The following PCDHGB6 variants were observed in gnomAD, a reference collection of about 807,000 sequenced individuals.
PCDHGB6 encodes the protein protocadherin gamma subfamily B, 6, also known as protocadherin gamma-B6.
PCDHGB6 carries 51 observed loss-of-function variants against 59.1 expected under a neutral mutation model. That is an observed-to-expected ratio of 0.86 (90% CI 0.69 to 1.09). The LOEUF (loss-of-function observed/expected upper bound fraction) is 1.09. Ranked by LOEUF, PCDHGB6 falls within the 50% of genes least tolerant of loss-of-function variation. PCDHGB6 has a pLI of 0.00. For missense variants in PCDHGB6, 1,148 were observed against 1,205.1 expected, an observed-to-expected ratio of 0.95 and a Z score of 0.70; for synonymous variants, 466 against 495.1, an observed-to-expected ratio of 0.94 and a Z score of 0.78.
In PCDHGB6 at chr5:141,448,944, C is replaced by CAAAA. The variant is rs560691811; in HGVS notation, c.2418+38328_2418+38331dup. Among the ~76,000 whole-genome samples, 218 of 152,004 alleles carry CAAAA rather than the reference C, an allele frequency of 1.4e-3. 1 individual carries two copies. The highest frequency in any genetic ancestry group is 5.1e-3 in the African/African-American group (213 of 41,464). On this transcript the variant is annotated intron_variant, in intron 1 of 3. Coordinates refer to ENST00000520790, the MANE Select transcript of PCDHGB6 (RefSeq NM_018926.3). ...TGGGCGACAGAGCAAGACTGCAACTCAAAAAAACAAACAAACAAACAAAAA... is the reference window on the plus strand; with the variant it reads ...TGGGCGACAGAGCAAGACTGCAACTCAAAAAAAAAAACAAACAAACAAACAAAAA...
chr5:141,409,324 G>C lies in PCDHGB6; in HGVS notation c.1122G>C (p.Leu374=), dbSNP rs759596277. ...TTGCCCTCTTCAAAACACGGGATCT[G>C]GATTTCGGAGGAAATGGAGAAGTCA... ...MVVALFKTRD[L]DFGGNGEVRC... is the part of the protein sequence containing the mutation. The change falls in exon 1 of 4, where the codon CTG becomes CTC. Residue 374 remains leucine, a synonymous_variant. Coordinates refer to ENST00000520790, the MANE Select transcript of PCDHGB6 (RefSeq NM_018926.3). 1 of 1,614,000 alleles carries C rather than the reference G, an allele frequency of 6.2e-7. No homozygotes were observed. The highest frequency in any genetic ancestry group is 2.2e-5 in the East Asian group (1 of 44,872).
In PCDHGB6 at chr5:141,431,931, C is replaced by T. The variant is rs2097430107; in HGVS notation, c.2418+21311C>T. ...ATCTGTTTCATCCAAGGAAATCTGCCCTTTAAATTAGAAAAATCTTACGGA... is the reference window on the plus strand; with the variant it reads ...ATCTGTTTCATCCAAGGAAATCTGCTCTTTAAATTAGAAAAATCTTACGGA... On this transcript the variant is annotated intron_variant, in intron 1 of 3. Transcript: ENST00000520790. This position sits in a 1 kb window ranked among gnomAD's most constrained non-coding sequence, Gnocchi z 4.8. The T allele has an allele frequency of 6.2e-7, 1 of 1,613,924 alleles. No homozygotes were observed. Among genetic ancestry groups the T allele is most frequent in the Admixed American group, 1.7e-5 (1 of 59,986 alleles).
chr5:141,429,534 A>G (rs1036595279), intron 1 of PCDHGB6, among the ~76,000 whole-genome samples: 1 of 152,222 alleles, frequency 6.6e-6, no homozygotes. Context: ...GCTTAAAAAA[A>G]TAAGAACATG....
chr5:141,493,289 C>T lies in PCDHGB6; in HGVS notation c.2419-1518C>T, dbSNP rs925045650. 2.6e-5 allele frequency among the ~76,000 whole-genome samples: 4 copies of T among 152,176 alleles called. No individual in the cohort carries two copies. Among genetic ancestry groups the T allele is most frequent in the Non-Finnish European group, 5.9e-5 (4 of 68,030 alleles). On this transcript the variant is annotated intron_variant, in intron 1 of 3. Coordinates refer to ENST00000520790, the MANE Select transcript of PCDHGB6 (RefSeq NM_018926.3). The surrounding 1 kb of genome is among the most constrained non-coding windows in gnomAD (Gnocchi z 4.3). ...CTTCACAGAGGTCAAGTGACTTGCT[C>T]AAGTTCACAGAGCAAGTAAGAGAGA...
At chr5:141,419,773 C>G (rs2096431068) in intron 1 of PCDHGB6, 1 of 1,613,916 alleles carries the variant, frequency 6.2e-7, no homozygotes, top group Non-Finnish European at 8.5e-7. Context: ...AGGACTCGGT[C>G]CGCCAGCGCC....
intron 3 of PCDHGB6, 126 bp downstream of exon 3, chr5:141,505,607 T>A: frequency 6.5e-7 from 1 of 1,528,684 alleles, no homozygotes. Flanking sequence ...TCGGCAGGTC[T>A]GAAAGGACCC....
chr5:141,423,150 G>A, intron 1 of PCDHGB6: 1 of 1,613,538 alleles, frequency 6.2e-7, no homozygotes, highest in Non-Finnish European at 8.5e-7. Flanking sequence ...CGCTCAAGCA[G>A]AGCCTCGTGG....
chr5:141,431,976 C>T lies in PCDHGB6; in HGVS notation c.2418+21356C>T, dbSNP rs2097433306. ...TACGGAAATTACTATAGTTTAGTCACAGACATAGTCTTGGATAGGGAACAG... is the reference window on the plus strand; with the variant it reads ...TACGGAAATTACTATAGTTTAGTCATAGACATAGTCTTGGATAGGGAACAG... On this transcript the variant is annotated intron_variant, in intron 1 of 3. Transcript: ENST00000520790. This position sits in a 1 kb window ranked among gnomAD's most constrained non-coding sequence, Gnocchi z 4.8. 6.2e-7 allele frequency: 1 copy of T among 1,614,078 alleles called. No individual in the cohort carries two copies. The highest frequency in any genetic ancestry group is 1.3e-5 in the African/African-American group (1 of 74,934).
At chr5:141,427,259 G>A (rs1365845158) in intron 1 of PCDHGB6, 1 of 456,756 alleles carries the variant, frequency 2.2e-6, no homozygotes, top group Non-Finnish European at 4.4e-6. Flanking sequence ...GTGGAGGCAT[G>A]ACCAGCGAAT....
rs1018384314 is a variant in PCDHGB6 at position 141,490,427 on chromosome 5, A to G, written c.2419-4380A>G. On this transcript the variant is annotated intron_variant, in intron 1 of 3. Coordinates refer to ENST00000520790, the MANE Select transcript of PCDHGB6 (RefSeq NM_018926.3). This position sits in a 1 kb window ranked among gnomAD's most constrained non-coding sequence, Gnocchi z 5.4. ...GATATCTCTCCGGACCTGCCATTTCAGATTAAGCCTTCTGAGAACCACTAC... is the reference window on the plus strand; with the variant it reads ...GATATCTCTCCGGACCTGCCATTTCGGATTAAGCCTTCTGAGAACCACTAC... 6.2e-7 allele frequency: 1 copy of G among 1,614,092 alleles called. No individual in the cohort carries two copies.
intron 1 of PCDHGB6, among the ~76,000 whole-genome samples, chr5:141,483,014 G>A (rs1401419953): frequency 1.3e-5 from 2 of 152,184 alleles, no homozygotes; most frequent in Non-Finnish European, 2.9e-5. Context: ...GAACCCGGGA[G>A]GCAGAGGTTG....
At chr5:141,454,047 T>C (rs896373946) in intron 1 of PCDHGB6, among the ~76,000 whole-genome samples, 6 of 152,122 alleles carry the variant, frequency 3.9e-5, no homozygotes, top group African/African-American at 7.2e-5. Flanking sequence ...AAGATAAAAG[T>C]GCAGCAAAGA....
chr5:141,422,117 C>A, intron 1 of PCDHGB6: 1 of 1,604,272 alleles, frequency 6.2e-7, no homozygotes, highest in East Asian at 2.2e-5. Context: ...CAATTGGATT[C>A]ACAAACTGGA....
rs1012868761 is a variant in PCDHGB6 at position 141,408,240 on chromosome 5, C to T, written c.38C>T (p.Pro13Leu). Residue 13 changes from proline to leucine, a missense_variant, in exon 1 of 4, where the codon CCG (proline) becomes CTG (leucine). Physicochemically the swap from Pro to Leu is moderately conservative, Grantham distance 98 (BLOSUM62 -3). Transcript: ENST00000520790. Reference sequence around the variant, plus strand: ...TGCGCGCAGAGGCGCCGGGCCGGCCCGCGGCAGGTGCTATTTCCTTTGCTG... The same window carrying T: ...TGCGCGCAGAGGCGCCGGGCCGGCCTGCGGCAGGTGCTATTTCCTTTGCTG... Reference protein sequence around the residue: ...GSCAQRRRAGPRQVLFPLLLP... With the variant: ...GSCAQRRRAGLRQVLFPLLLP... The T allele has an allele frequency of 5.6e-5, 89 of 1,578,820 alleles. No individual in the cohort carries two copies. Among genetic ancestry groups the T allele is most frequent in the Non-Finnish European group, 7.3e-5 (85 of 1,162,146 alleles).
At chr5:141,502,300 TTCCTC>T (rs139569110) in intron 2 of PCDHGB6, among the ~76,000 whole-genome samples, 4,853 of 152,256 alleles carry the variant, frequency 0.032, 250 homozygotes, top group African/African-American at 0.11. Flanking sequence ...TGTCACGTCT[TTCCTC>T]TCCTTTAATC....
At chr5:141,459,775 T>C (rs377188083) in intron 1 of PCDHGB6, among the ~76,000 whole-genome samples, 8 of 152,362 alleles carry the variant, frequency 5.3e-5, no homozygotes, top group African/African-American at 1.4e-4. Flanking sequence ...TACTATCTCA[T>C]TGAAGTTTCA....
chr5:141,477,502 C>A lies in PCDHGB6; in HGVS notation c.2419-17305C>A, dbSNP rs2099412065. On this transcript the variant is annotated intron_variant, in intron 1 of 3. Coordinates refer to ENST00000520790, the MANE Select transcript of PCDHGB6 (RefSeq NM_018926.3). This position sits in a 1 kb window ranked among gnomAD's most constrained non-coding sequence, Gnocchi z 4.9. ...CTCCACAATCTTCTCAATCTTCCTA[C>A]GACGTTTACATTGAAGAAAACAACC... The A allele has an allele frequency of 9.3e-6, 15 of 1,614,026 alleles. No homozygotes were observed. The highest frequency in any genetic ancestry group is 1.3e-5 in the Non-Finnish European group (15 of 1,180,026).
intron 2 of PCDHGB6, among the ~76,000 whole-genome samples, chr5:141,503,269 C>A (rs1161751693): frequency 6.6e-6 from 1 of 152,116 alleles, no homozygotes; most frequent in Non-Finnish European, 1.5e-5. Context: ...ACCCCAGCAC[C>A]TGGCTCTGTG....
intron 1 of PCDHGB6, among the ~76,000 whole-genome samples, chr5:141,450,375 A>G (rs1338336573): frequency 1.3e-5 from 2 of 152,166 alleles, no homozygotes; most frequent in Non-Finnish European, 2.9e-5. Context: ...GTTTGTTTAT[A>G]TGAAACTGAC....
Sources: allele counts gnomAD v4.1 joint callset (sites outside exome capture counted in the v4.1 genomes callset), GRCh38; gene constraint gnomAD v4.1.1; non-coding constraint Gnocchi (gnomAD v3.1); transcripts MANE v1.5; gene names NCBI Gene and HGNC (gene_info 2026-07-23, HGNC 2026-07-21).